The following PCCB variants were observed in gnomAD, a reference collection of about 807,000 sequenced individuals.
PCCB encodes propionyl-CoA carboxylase subunit beta.
In PCCB, 43 loss-of-function variants were observed where a neutral mutation model predicts 60.7. That is an observed-to-expected ratio of 0.71 (90% CI 0.55 to 0.91). PCCB has a LOEUF of 0.91. PCCB is among the 40% of genes least tolerant of loss of function. The probability of loss-of-function intolerance (pLI) is 0.00; values close to 1 mark genes in which losing one functional copy is unlikely to be tolerated. For missense variants in PCCB, 766 were observed against 702.8 expected (o/e 1.09, Z -1.02); for synonymous variants, 276 against 255.9 (o/e 1.08, Z -0.75).
chr3:136,252,526 A>C (rs1941545754), intron 1 of PCCB: 2 of 261,974 alleles, frequency 7.6e-6, no homozygotes, highest in Admixed American at 1.0e-4. Flanking sequence ...GGATGACAGA[A>C]TTTTTTTTTT....
intron 5 of PCCB, among the ~76,000 whole-genome samples, chr3:136,268,118 A>ATG (rs1942082070): frequency 2.3e-5 from 3 of 130,116 alleles, no homozygotes; most frequent in African/African-American, 3.2e-5. Context: ...ATATATATAT[A>ATG]TATGTATATA....
intron 5 of PCCB, among the ~76,000 whole-genome samples, chr3:136,269,964 A>T (rs1576414008): frequency 6.7e-6 from 1 of 148,874 alleles, no homozygotes. Flanking sequence ...TTCATTCTTC[A>T]CCATTAAGCA....
chr3:136,262,180 C>G, intron 5 of PCCB, 115 bp downstream of exon 5: 1 of 734,538 alleles, frequency 1.4e-6, no homozygotes, highest in Non-Finnish European at 2.4e-6. Context: ...TGTGTCTGTT[C>G]TGTGGGTCCT....
intron 9 of PCCB, among the ~76,000 whole-genome samples, chr3:136,309,247 A>T (rs1934565315): frequency 6.7e-6 from 1 of 148,498 alleles, no homozygotes; most frequent in South Asian, 2.1e-4. Context: ...TGGGTGACAG[A>T]GCAAGACTCC....
intron 3 of PCCB, among the ~76,000 whole-genome samples, chr3:136,257,984 AG>A (rs2108140264): frequency 6.6e-6 from 1 of 152,324 alleles, no homozygotes; most frequent in South Asian, 2.1e-4. Flanking sequence ...AATCTGTCGT[AG>A]TTAGTATGCA....
rs150082473 is a variant in PCCB at position 136,284,892 on chromosome 3, G to A, written c.654+945G>A. 5.8e-3 allele frequency among the ~76,000 whole-genome samples: 879 copies of A among 152,124 alleles called. 13 individuals are homozygous for A. The highest frequency in any genetic ancestry group is 0.019 in the African/African-American group (794 of 41,500). ...ACTTGAGCTCAGGAGTTTTAGACCA[G>A]CCTAGGCAACGTAGCGAAACCCCAT... On this transcript the variant is annotated intron_variant, in intron 6 of 14. Transcript: ENST00000251654.
At chr3:136,260,872 G>GT (rs1485081113) in intron 4 of PCCB, among the ~76,000 whole-genome samples, 2 of 152,128 alleles carry the variant, frequency 1.3e-5, no homozygotes, top group African/African-American at 2.4e-5. Flanking sequence ...AGTAACTACC[G>GT]TAATTTCAAA....
Position 136,256,482 on chromosome 3 carries a change from G to C in PCCB, c.304-73G>C, listed in dbSNP as rs1941673305. 12 of 1,067,260 alleles carry C rather than the reference G, an allele frequency of 1.1e-5. No homozygotes were observed. The Admixed American group carries it at 2.1e-4, about 18-fold the overall frequency. The allele number at this position is 1,067,260 out of a possible 1,614,324, so 66.1% of individuals were successfully genotyped here. A position where few individuals can be genotyped will look rare whatever the true frequency, so the allele number is the denominator to read the frequency against. On this transcript the variant is annotated intron_variant, in intron 2 of 14. Transcript: ENST00000251654. ...TTGGGTTTTGTTTTTGTCTTTCATT[G>C]AGGCATAGTGGCCAAACTCATTAGA...
At chr3:136,252,298 C>T (rs751646762) in intron 1 of PCCB, 2 of 455,658 alleles carry the variant, frequency 4.4e-6, no homozygotes, top group South Asian at 3.1e-5. Flanking sequence ...CACTCTGTTG[C>T]CCAGGCTAGA....
chr3:136,265,066 C>T (rs1442478826), intron 5 of PCCB, among the ~76,000 whole-genome samples: 3 of 151,800 alleles, frequency 2.0e-5, no homozygotes, highest in South Asian at 2.1e-4. Flanking sequence ...TGATGGCGAG[C>T]GCCTGTAATC....
chr3:136,257,824 T>C (rs1220389114), intron 3 of PCCB, among the ~76,000 whole-genome samples: 1 of 152,008 alleles, frequency 6.6e-6, no homozygotes, highest in Admixed American at 6.6e-5. Flanking sequence ...TCCCAGCTAC[T>C]TGGGAGGCTG....
chr3:136,274,861 CTG>C (rs370438174), intron 5 of PCCB, among the ~76,000 whole-genome samples: 53 of 150,188 alleles, frequency 3.5e-4, no homozygotes, highest in African/African-American at 1.0e-3. Flanking sequence ...GGGTCTTACT[CTG>C]TTGCCCAGGC....
chr3:136,311,778 A>T (rs1402466933), intron 9 of PCCB, among the ~76,000 whole-genome samples: 1 of 152,192 alleles, frequency 6.6e-6, no homozygotes, highest in African/African-American at 2.4e-5. Flanking sequence ...TGGGCAACAT[A>T]GTGAGACCTT....
chr3:136,258,646 C>T (rs1280080202), intron 3 of PCCB, among the ~76,000 whole-genome samples: 1 of 152,142 alleles, frequency 6.6e-6, no homozygotes, highest in Non-Finnish European at 1.5e-5. Flanking sequence ...AGCACTCATT[C>T]AGTGTATAGG....
intron 9 of PCCB, among the ~76,000 whole-genome samples, chr3:136,311,943 A>T (rs1934685529): frequency 6.6e-6 from 1 of 152,246 alleles, no homozygotes; most frequent in Admixed American, 6.5e-5. Context: ...AGAACTAGAT[A>T]AGTTTATACA....
intron 6 of PCCB, among the ~76,000 whole-genome samples, chr3:136,285,739 G>A (rs1030524383): frequency 6.6e-6 from 1 of 152,086 alleles, no homozygotes; most frequent in African/African-American, 2.4e-5. Flanking sequence ...GACTCTAGAT[G>A]CTGGAGTTCA....
rs528078159 is a variant in PCCB, at chr3:136,258,836, C to T, written c.373-1643C>T. ...AGAGACTTCTGTTAGTCTCTGTTTT[C>T]AGCCTCCTTCTCACCTCCACTTTCC... is the stretch of plus-strand genomic sequence containing the variant. On this transcript the variant is annotated intron_variant, in intron 3 of 14. Transcript: ENST00000251654. Among the ~76,000 whole-genome samples the T allele has an allele frequency of 2.6e-5, 4 of 152,060 alleles. No homozygotes were observed. In the South Asian group the frequency reaches 6.2e-4, roughly 24 times the overall value.
chr3:136,299,218 AT>A, intron 8 of PCCB, among the ~76,000 whole-genome samples: 1 of 152,178 alleles, frequency 6.6e-6, no homozygotes, highest in African/African-American at 2.4e-5. Context: ...ATACATATAT[AT>A]ATGCATGTGT....
rs770967191 is a variant in PCCB at position 136,330,007 on chromosome 3, A to T, written c.1601A>T (p.His534Leu). The T allele has an allele frequency of 1.9e-6, 3 of 1,614,064 alleles. No homozygotes were observed. In the African/African-American group the frequency reaches 4.0e-5, roughly 22 times the overall value. The change falls in exon 15 of 15, where the codon CAT (histidine) becomes CTT (leucine). Residue 534 changes from histidine (H) to leucine (L), a missense_variant. By Grantham distance (99) the His-to-Leu change is moderately conservative (BLOSUM62 -3). Coordinates refer to ENST00000251654, the MANE Select transcript of PCCB (RefSeq NM_000532.5). ...SKKVQRPWRKHANIPL is the reference protein window; with the variant it reads ...SKKVQRPWRKLANIPL ...AAGGTACAACGTCCTTGGAGAAAACATGCAAATATTCCATTGTAAACAAAT... is the reference window on the plus strand; with the variant it reads ...AAGGTACAACGTCCTTGGAGAAAACTTGCAAATATTCCATTGTAAACAAAT...
Sources: allele counts gnomAD v4.1 joint callset (sites outside exome capture counted in the v4.1 genomes callset), GRCh38; gene constraint gnomAD v4.1.1; transcripts MANE v1.5; gene names NCBI Gene and HGNC (gene_info 2026-07-23, HGNC 2026-07-21).